MYO19: variants seen among roughly 807,000 people sequenced by gnomAD.
MYO19 encodes myosin XIX.
A neutral mutation model predicts 129.2 loss-of-function variants in MYO19; 132 were observed. That is an observed-to-expected ratio of 1.02 (90% CI 0.89 to 1.18). The LOEUF (loss-of-function observed/expected upper bound fraction) is 1.18. Among genes scored for constraint, MYO19 ranks in the 50% most tolerant of loss-of-function variants. The pLI is 0.00. For synonymous variants in MYO19, 531 were observed against 477.2 expected (o/e 1.11, Z -1.47); for missense variants, 1,210 against 1,216.7 (o/e 0.99, Z 0.08).
At position 36,516,077 on chromosome 17, in the gene MYO19, C is replaced by T; in HGVS notation, c.415-87G>A. ...TGAGAGAACAGTGCCCACCAGAGCT[C>T]TCTTCTCCACCAGTGTGTTGCTGAC... On this transcript the variant is annotated intron_variant, in intron 6 of 25. Transcript: ENST00000614623. 2.1e-6 allele frequency: 3 copies of T among 1,431,936 alleles called. No individual in the cohort carries two copies. The South Asian group carries it at 4.1e-5, about 20-fold the overall frequency. 88.7% of individuals were successfully genotyped at this position (1,431,936 alleles called of 1,614,324 possible).
At position 36,509,154 on chromosome 17, in the gene MYO19, G is replaced by A; in HGVS notation, c.1158-19C>T. On this transcript the variant is annotated intron_variant, in intron 13 of 25. Coordinates refer to ENST00000614623, the MANE Select transcript of MYO19 (RefSeq NM_001163735.2). ...AAACAACCTGTTGGGGGAAGAGAGT[G>A]GACTCTGGTAAGAGGGTCTGGCTGA... 6.2e-7 allele frequency: 1 copy of A among 1,612,280 alleles called. No homozygotes were observed. Among genetic ancestry groups the A allele is most frequent in the Non-Finnish European group, 8.5e-7 (1 of 1,178,752 alleles).
At chr17:36,519,862 A>G (rs2073032335) in intron 6 of MYO19, among the ~76,000 whole-genome samples, 1 of 152,114 alleles carries the variant, frequency 6.6e-6, no homozygotes, top group African/African-American at 2.4e-5. Flanking sequence ...TTCTAAGTTG[A>G]CAGATTTTTT....
chr17:36,506,513 C>T lies in MYO19; in HGVS notation c.1740G>A (p.Gln580=). ...CCCTGCTCTGGCCAGGGGGTTCCTCCTGGGTCTTCTCTTTGGGGTTAGTAG... is the reference window on the plus strand; with the variant it reads ...CCCTGCTCTGGCCAGGGGGTTCCTCTTGGGTCTTCTCTTTGGGGTTAGTAG... The part of the protein sequence containing the change: ...LFPTNPKEKT[Q]EEPPGQSRAP... Residue 580 remains glutamine (Q), a synonymous_variant, in exon 18 of 26, where the codon CAG becomes CAA. Transcript: ENST00000614623. 6.2e-7 allele frequency: 1 copy of T among 1,607,942 alleles called. No individual in the cohort carries two copies.
intron 3 of MYO19, among the ~76,000 whole-genome samples, chr17:36,528,895 G>A (rs527870345): frequency 6.6e-6 from 1 of 152,146 alleles, no homozygotes; most frequent in Non-Finnish European, 1.5e-5. Context: ...TAAGGCTATA[G>A]GAATGTTGCA....
chr17:36,507,528 G>A lies in MYO19; in HGVS notation c.1354-16C>T, dbSNP rs773745183. The A allele has an allele frequency of 1.9e-6, 3 of 1,609,912 alleles. No homozygotes were observed. In the Admixed American group the frequency reaches 5.0e-5, roughly 27 times the overall value. ...CGTATTCCTCCTAAAGAACAAGGTGGGATGAGGTGGGAGAAGGCAGCTGTG... is the reference window on the plus strand; with the variant it reads ...CGTATTCCTCCTAAAGAACAAGGTGAGATGAGGTGGGAGAAGGCAGCTGTG... On this transcript the variant is annotated splice_polypyrimidine_tract_variant and intron_variant, in intron 15 of 25. Transcript: ENST00000614623.
Position 36,528,089 on chromosome 17 carries a change from C to G in MYO19, c.126G>C (p.Arg42Ser). ...VLLYKLDDLT[R>S]VNPVTLETVL... The stretch of plus-strand genomic sequence containing the variant: ...CTGTCTCTAGTGTCACAGGATTCAC[C>G]CTGGTGAGGTCATCCAGTTTGTACA... The change falls in exon 4 of 26, where the codon AGG (arginine) becomes AGC (serine). Residue 42 changes from arginine (R) to serine (S), a missense_variant. Coordinates refer to ENST00000614623, the MANE Select transcript of MYO19 (RefSeq NM_001163735.2). 6.2e-7 allele frequency: 1 copy of G among 1,613,892 alleles called. No homozygotes were observed. Among genetic ancestry groups the G allele is most frequent in the Non-Finnish European group, 8.5e-7 (1 of 1,179,806 alleles).
intron 2 of MYO19, among the ~76,000 whole-genome samples, chr17:36,540,577 G>A (rs777327877): frequency 2.4e-4 from 37 of 151,694 alleles, no homozygotes; most frequent in Non-Finnish European, 3.7e-4. Flanking sequence ...TACCATGTTG[G>A]CCAGGCCAGT....
chr17:36,495,656 T>G lies in MYO19; in HGVS notation c.*595A>C. ...GATGATTGTTTTTAAATGTTTTACT[T>G]TTGGTACAGTTGATAGACATCATAA... On this transcript the variant is annotated 3_prime_UTR_variant, in exon 26 of 26. Coordinates refer to ENST00000614623, the MANE Select transcript of MYO19 (RefSeq NM_001163735.2). 2 of 1,289,202 alleles carry G rather than the reference T, an allele frequency of 1.6e-6. No individual in the cohort carries two copies. Among genetic ancestry groups the G allele is most frequent in the Non-Finnish European group, 9.8e-7 (1 of 1,021,912 alleles). 79.9% of individuals were successfully genotyped at this position (1,289,202 alleles called of 1,614,324 possible).
At chr17:36,538,661 G>A (rs2074177397), upstream of MYO19, 1 of 1,399,870 alleles carries the variant, frequency 7.1e-7, no homozygotes, top group Admixed American at 2.2e-5. Flanking sequence ...TATTTAATGA[G>A]GAATATTAAT....
At chr17:36,529,656 C>T (rs149518311) in intron 3 of MYO19, among the ~76,000 whole-genome samples, 4 of 152,018 alleles carry the variant, frequency 2.6e-5, no homozygotes, top group Non-Finnish European at 5.9e-5. Flanking sequence ...AGAGTAACTG[C>T]GGAGGTCAGA....
rs1057028676 is a variant in MYO19, at chr17:36,509,205, C to T, written c.1158-70G>A. ...GTCAAAGGGGTGGTAAAATTGCTCC[C>T]CCCATCAGGGTGCTACACCCTGGGG... On this transcript the variant is annotated intron_variant, in intron 13 of 25. Coordinates refer to ENST00000614623, the MANE Select transcript of MYO19 (RefSeq NM_001163735.2). 2.8e-6 allele frequency: 4 copies of T among 1,439,858 alleles called. No individual in the cohort carries two copies. In the African/African-American group the frequency reaches 4.2e-5, roughly 15 times the overall value. 89.2% of individuals were successfully genotyped at this position (1,439,858 alleles called of 1,614,324 possible). A position where few individuals can be genotyped will look rare whatever the true frequency, so the allele number is the denominator to read the frequency against.
chr17:36,498,806 T>TC (rs2142707319), intron 24 of MYO19: 2 of 595,614 alleles, frequency 3.4e-6, no homozygotes, highest in Non-Finnish European at 6.0e-6. Context: ...ATATAACTGA[T>TC]ATGCCATAAA....
chr17:36,531,345 A>G (rs1020393221), intron 3 of MYO19, among the ~76,000 whole-genome samples: 4 of 150,258 alleles, frequency 2.7e-5, no homozygotes, highest in African/African-American at 4.9e-5. Flanking sequence ...CAGTGAGCCA[A>G]GATCAAGCCA....
rs1215553152 is a variant in MYO19 at position 36,534,780 on chromosome 17, G to C, written c.-315C>G. The C allele has an allele frequency of 1.3e-5, 2 of 152,358 alleles. No homozygotes were observed. Among genetic ancestry groups the C allele is most frequent in the Non-Finnish European group, 2.9e-5 (2 of 68,156 alleles). The allele number at this position is 152,358 out of a possible 1,614,324, so 9.4% of individuals were successfully genotyped here. On this transcript the variant is annotated 5_prime_UTR_variant, in exon 1 of 26. Transcript: ENST00000614623. ...ACTCACCGGTCCCACGGCCCGAGCC[G>C]CCGTGCTTCAGGCCCCCGCCCGGCC... is the stretch of plus-strand genomic sequence containing the variant.
In MYO19 at chr17:36,506,555, C is replaced by G. The variant is rs2071902376; in HGVS notation, c.1698G>C (p.Leu566=). The G allele has an allele frequency of 6.3e-7, 1 of 1,581,548 alleles. No individual in the cohort carries two copies. Among genetic ancestry groups the G allele is most frequent in the African/African-American group, 1.4e-5 (1 of 73,106 alleles). ...TRLLQQSQDP[L]LMGLFPTNPK... is the part of the protein sequence containing the mutation. ...GGTTAGTAGGAAACAGCCCCATGAG[C>G]AGGGGGTCCTGGGATTGCTGCAGGA... The change falls in exon 18 of 26, where the codon CTG becomes CTC. Residue 566 remains leucine (L), a synonymous_variant. Coordinates refer to ENST00000614623, the MANE Select transcript of MYO19 (RefSeq NM_001163735.2).
Position 36,511,357 on chromosome 17 carries a change from ACCCT to A in MYO19, c.985+4_985+7del. 1 of 1,569,400 alleles carries A rather than the reference ACCCT, an allele frequency of 6.4e-7. No homozygotes were observed. The highest frequency in any genetic ancestry group is 1.2e-5 in the South Asian group (1 of 85,004). On this transcript the variant is annotated splice_donor_5th_base_variant and intron_variant, in intron 12 of 25. Transcript: ENST00000614623. ...AGGGCCTGCCCCATCCTACACCCTG[ACCCT>A]CACACTTGGCATCATCCATCGGCTG...
At chr17:36,510,558 G>A (rs1036204250) in intron 13 of MYO19, among the ~76,000 whole-genome samples, 188 bp downstream of exon 13, 6 of 152,210 alleles carry the variant, frequency 3.9e-5, no homozygotes, top group South Asian at 2.1e-4. Context: ...GGCCACAGAC[G>A]CTGCTTGGTG....
At chr17:36,497,332 A>C (rs1238214502) in intron 25 of MYO19, among the ~76,000 whole-genome samples, 1 of 151,678 alleles carries the variant, frequency 6.6e-6, no homozygotes, top group Non-Finnish European at 1.5e-5. Flanking sequence ...AAAAAAAAAA[A>C]AACCCACAGA....
chr17:36,542,861 G>A (rs1323834698), intron 1 of MYO19, among the ~76,000 whole-genome samples: 2 of 151,560 alleles, frequency 1.3e-5, no homozygotes, highest in Admixed American at 6.6e-5. Flanking sequence ...AATTAAAAGT[G>A]CTCGCCACCA....
Sources: allele counts gnomAD v4.1 joint callset (sites outside exome capture counted in the v4.1 genomes callset), GRCh38; gene constraint gnomAD v4.1.1; transcripts MANE v1.5; gene names NCBI Gene and HGNC (gene_info 2026-07-23, HGNC 2026-07-21).